Variants in PARD3 observed in about 807,000 individuals in gnomAD.
PARD3 encodes partitioning defective 3 homolog.
A neutral mutation model predicts 155.4 loss-of-function variants in PARD3; 75 were observed. The observed-to-expected ratio is 0.48, with a 90% CI of 0.40 to 0.58. The LOEUF is 0.58. PARD3 is among the 20% of genes least tolerant of loss of function. The pLI, the probability that PARD3 is intolerant of heterozygous loss-of-function variation, is 0.00. For missense variants in PARD3, 1,642 were observed against 1,721.7 expected, an observed-to-expected ratio of 0.95 and a Z score of 0.82; for synonymous variants, 576 against 610.5, an observed-to-expected ratio of 0.94 and a Z score of 0.83.
At chr10:34,697,077 T>C (rs544517423) in intron 1 of PARD3, among the ~76,000 whole-genome samples, 4 of 147,952 alleles carry the variant, frequency 2.7e-5, no homozygotes, top group South Asian at 4.4e-4. Context: ...TTTGCAGTGG[T>C]TATCCTGCAG....
At chr10:34,441,727 A>T (rs966770747) in intron 5 of PARD3, among the ~76,000 whole-genome samples, 2 of 152,196 alleles carry the variant, frequency 1.3e-5, no homozygotes, top group Admixed American at 6.5e-5. Flanking sequence ...AAAGCAGAAA[A>T]TATGTAGGGA....
intron 4 of PARD3, among the ~76,000 whole-genome samples, chr10:34,455,168 C>T (rs16935423): frequency 0.026 from 3,907 of 152,176 alleles, 166 homozygotes; most frequent in African/African-American, 0.09. Context: ...GCACAGGAAA[C>T]CCAACTATGT....
intron 3 of PARD3, among the ~76,000 whole-genome samples, chr10:34,492,548 ACTTTTT>A (rs1488884683): frequency 6.6e-6 from 1 of 152,190 alleles, no homozygotes; most frequent in Admixed American, 6.5e-5. Flanking sequence ...GCATTTTAAA[ACTTTTT>A]CTTTATAGGA....
chr10:34,586,884 G>A (rs916648342), intron 2 of PARD3, among the ~76,000 whole-genome samples: 7 of 152,030 alleles, frequency 4.6e-5, no homozygotes, highest in South Asian at 2.1e-4. Flanking sequence ...AGGAGGCAGA[G>A]GTTGCGGTGA....
At chr10:34,458,090 T>A (rs945951197) in intron 4 of PARD3, among the ~76,000 whole-genome samples, 3 of 152,232 alleles carry the variant, frequency 2.0e-5, no homozygotes, top group Admixed American at 1.3e-4. Flanking sequence ...TTCATAGAGA[T>A]GGTTGGTTCA....
At chr10:34,439,553 G>A (rs1056447480) in intron 5 of PARD3, among the ~76,000 whole-genome samples, 5 of 151,950 alleles carry the variant, frequency 3.3e-5, no homozygotes, top group African/African-American at 4.8e-5. Flanking sequence ...TGCCTCCCAC[G>A]TTCAAATGAT....
At chr10:34,584,817 T>C (rs2087852223) in intron 2 of PARD3, among the ~76,000 whole-genome samples, 1 of 152,188 alleles carries the variant, frequency 6.6e-6, no homozygotes, top group African/African-American at 2.4e-5. Flanking sequence ...GTTTGATATG[T>C]TTTCGTTACA....
chr10:34,489,202 G>A (rs992851408), intron 3 of PARD3, among the ~76,000 whole-genome samples: 2 of 152,142 alleles, frequency 1.3e-5, no homozygotes, highest in African/African-American at 4.8e-5. Context: ...GTTGGGCGTG[G>A]TGGTGCATGC....
intron 14 of PARD3, among the ~76,000 whole-genome samples, chr10:34,353,054 A>T (rs1838331513): frequency 6.7e-6 from 1 of 150,076 alleles, no homozygotes; most frequent in Non-Finnish European, 1.5e-5. Flanking sequence ...AGAAGTGAGG[A>T]GCCCCTCCGC....
intron 3 of PARD3, among the ~76,000 whole-genome samples, chr10:34,509,184 C>T (rs912928107): frequency 5.9e-5 from 9 of 152,124 alleles, no homozygotes; most frequent in Non-Finnish European, 1.2e-4. Context: ...AAAACCCCAA[C>T]AGTTATGTAG....
At chr10:34,732,627 G>A (rs1351831374) in intron 1 of PARD3, among the ~76,000 whole-genome samples, 2 of 152,168 alleles carry the variant, frequency 1.3e-5, no homozygotes, top group Non-Finnish European at 2.9e-5. Flanking sequence ...GAACCCAGGA[G>A]TTTGGGGCTA....
intron 2 of PARD3, among the ~76,000 whole-genome samples, chr10:34,685,534 G>A (rs2093940878): frequency 1.3e-5 from 2 of 151,938 alleles, no homozygotes; most frequent in Non-Finnish European, 2.9e-5. Flanking sequence ...AAAACTCAGA[G>A]TAAACCGGTG....
chr10:34,408,365 C>T (rs1844713502), intron 5 of PARD3, among the ~76,000 whole-genome samples: 1 of 152,036 alleles, frequency 6.6e-6, no homozygotes, highest in Admixed American at 6.6e-5. Context: ...CTTTTTCATA[C>T]TTTTTAGAAT....
chr10:34,555,717 G>A (rs1247787594), intron 2 of PARD3, among the ~76,000 whole-genome samples: 1 of 151,912 alleles, frequency 6.6e-6, no homozygotes, highest in Non-Finnish European at 1.5e-5. Context: ...CCAAGCTCTG[G>A]TGGTACCCTC....
At chr10:34,191,736 G>A (rs17461130) in intron 22 of PARD3, among the ~76,000 whole-genome samples, 6,196 of 152,164 alleles carry the variant, frequency 0.041, 173 homozygotes, top group Non-Finnish European at 0.06. Context: ...TCCTGGCCCC[G>A]CTGAAGAGAC....
chr10:34,602,527 A>G (rs570193318), intron 2 of PARD3, among the ~76,000 whole-genome samples: 1 of 152,350 alleles, frequency 6.6e-6, no homozygotes, highest in South Asian at 2.1e-4. Context: ...ATACTCTTAA[A>G]TGTCCATCAG....
intron 15 of PARD3, among the ~76,000 whole-genome samples, chr10:34,347,678 A>AT (rs1237166513): frequency 3.9e-5 from 6 of 152,186 alleles, no homozygotes; most frequent in Non-Finnish European, 7.4e-5. Context: ...TAAGTAAAGA[A>AT]TATCTTGATC....
intron 10 of PARD3, among the ~76,000 whole-genome samples, chr10:34,375,449 T>G (rs1193522979): frequency 3.9e-5 from 6 of 152,222 alleles, no homozygotes; most frequent in Admixed American, 2.6e-4. Context: ...TTTGGTACAG[T>G]ATTTTCACTT....
At chr10:34,120,567 T>G (rs1459992330) in intron 23 of PARD3, among the ~76,000 whole-genome samples, 1 of 152,184 alleles carries the variant, frequency 6.6e-6, no homozygotes, top group Admixed American at 6.5e-5. Context: ...ACAGTATAGC[T>G]GATTCCCTTT....
Sources: allele counts gnomAD v4.1 joint callset (sites outside exome capture counted in the v4.1 genomes callset), GRCh38; gene constraint gnomAD v4.1.1; transcripts MANE v1.5; gene names NCBI Gene and HGNC (gene_info 2026-07-23, HGNC 2026-07-21).